VPS37A: variants seen among roughly 807,000 people sequenced by gnomAD.
VPS37A encodes vacuolar protein sorting-associated protein 37A.
In VPS37A, 30 loss-of-function variants were observed where a neutral mutation model predicts 49.8. The observed-to-expected ratio is 0.60, with a 90% confidence interval of 0.45 to 0.82. The LOEUF (loss-of-function observed/expected upper bound fraction) is 0.82. Ranked by LOEUF, VPS37A falls within the 40% of genes least tolerant of loss-of-function variation. The pLI is 0.00. For synonymous variants in VPS37A, 195 were observed against 160.6 expected (o/e 1.21, Z -1.62); for missense variants, 593 against 464.4 (o/e 1.28, Z -2.55).
chr8:17,257,060 G>A (rs1812532944), intron 1 of VPS37A, among the ~76,000 whole-genome samples: 1 of 152,124 alleles, frequency 6.6e-6, no homozygotes, highest in African/African-American at 2.4e-5. Context: ...ATAGTTTCAG[G>A]TCTTAGATTT....
rs1368546578 is a variant in VPS37A, at chr8:17,292,361, CTT to C, written c.*1-2624_*1-2623del. 7.9e-5 allele frequency among the ~76,000 whole-genome samples: 12 copies of C among 152,248 alleles called. No homozygotes were observed. In the East Asian group the frequency reaches 2.1e-3, roughly 27 times the overall value. The stretch of plus-strand genomic sequence containing the variant: ...CCCTTTATTTTAAGCCTGTGTGTGT[CTT>C]TGCACATGAAATGGGTTTCCTGAAT... On this transcript the variant is annotated intron_variant, in intron 11 of 11. Transcript: ENST00000324849.
chr8:17,319,522 C>A, the VPS37A span, among the ~76,000 whole-genome samples: 2 of 152,150 alleles, frequency 1.3e-5, no homozygotes. Flanking sequence ...GAGTTTTTGC[C>A]ACCACATCAT....
downstream of VPS37A, chr8:17,304,455 G>A (rs1353521898): frequency 6.2e-7 from 1 of 1,614,068 alleles, no homozygotes; most frequent in Non-Finnish European, 8.5e-7. Context: ...CTAAACAGAG[G>A]ATTCAGGTAG....
intron 6 of VPS37A, among the ~76,000 whole-genome samples, chr8:17,278,502 A>T (rs1329524752): frequency 6.6e-6 from 1 of 152,036 alleles, no homozygotes; most frequent in African/African-American, 2.4e-5. Flanking sequence ...TCTGTCTCCA[A>T]AAGTTGCTCT....
chr8:17,318,251 G>C, the VPS37A span, among the ~76,000 whole-genome samples: 2 of 151,890 alleles, frequency 1.3e-5, no homozygotes, highest in Non-Finnish European at 2.9e-5. Context: ...TATCATGCTC[G>C]GGCTGGGAAT....
At chr8:17,271,140 T>A (rs1257548661) in intron 4 of VPS37A, among the ~76,000 whole-genome samples, 2 of 152,204 alleles carry the variant, frequency 1.3e-5, no homozygotes, top group African/African-American at 2.4e-5. Context: ...TTTCGTTTCT[T>A]GGTTCTGCCT....
downstream of VPS37A, among the ~76,000 whole-genome samples, chr8:17,305,147 T>C (rs908944694): frequency 2.6e-5 from 4 of 152,224 alleles, no homozygotes; most frequent in Admixed American, 6.5e-5. Context: ...TAATTTTCTT[T>C]ATGAGTCCAT....
chr8:17,287,706 A>C (rs1815743163), intron 11 of VPS37A, among the ~76,000 whole-genome samples: 1 of 152,046 alleles, frequency 6.6e-6, no homozygotes, highest in African/African-American at 2.4e-5. Flanking sequence ...TTTTCTTACT[A>C]GCCCTTCACG....
At chr8:17,305,643 A>G (rs1817399466), downstream of VPS37A, 2 of 817,208 alleles carry the variant, frequency 2.4e-6, no homozygotes, top group South Asian at 3.5e-5. Flanking sequence ...ATCTGTCAGT[A>G]TAGGTATGTG....
At chr8:17,272,956 C>T (rs568179513) in intron 4 of VPS37A, among the ~76,000 whole-genome samples, 3 of 143,908 alleles carry the variant, frequency 2.1e-5, no homozygotes, top group East Asian at 4.1e-4. Context: ...TATTCATCTA[C>T]AAGAAAATAT....
the VPS37A span, among the ~76,000 whole-genome samples, chr8:17,314,308 C>T: frequency 6.6e-6 from 1 of 152,140 alleles, no homozygotes; most frequent in African/African-American, 2.4e-5. Flanking sequence ...CTCTGTGATG[C>T]AGTAAACACA....
intron 5 of VPS37A, 98 bp from the exon 6 acceptor site, chr8:17,276,295 AACAG>A (rs1480236571): frequency 1.8e-5 from 15 of 847,898 alleles, no homozygotes; most frequent in Non-Finnish European, 2.7e-5. Flanking sequence ...TGATAATGCA[AACAG>A]TTATGGGATA....
chr8:17,271,341 C>T (rs1262170442), intron 4 of VPS37A, among the ~76,000 whole-genome samples: 2 of 152,170 alleles, frequency 1.3e-5, no homozygotes, highest in South Asian at 4.1e-4. Flanking sequence ...CGCGGTGGCT[C>T]ACGCCTGTAA....
chr8:17,315,716 C>A, the VPS37A span, among the ~76,000 whole-genome samples: 3 of 151,756 alleles, frequency 2.0e-5, no homozygotes, highest in African/African-American at 4.8e-5. Flanking sequence ...GAAAAAAAAA[C>A]AAAACAGAAA....
rs1198778469 is a variant in VPS37A, at chr8:17,295,154, C to G, written c.*168C>G. 6.6e-6 allele frequency: 1 copy of G among 152,586 alleles called. No homozygotes were observed. Among genetic ancestry groups the G allele is most frequent in the Non-Finnish European group, 1.5e-5 (1 of 68,028 alleles). The allele number at this position is 152,586 out of a possible 1,614,324, so 9.5% of individuals were successfully genotyped here. A position where few individuals can be genotyped will look rare whatever the true frequency, so the allele number is the denominator to read the frequency against. ...GATTTTGTACCGATTAGAATGATTG[C>G]TATGATCTTTGAGAAATTTTTCTGC... On this transcript the variant is annotated 3_prime_UTR_variant, in exon 12 of 12. Transcript: ENST00000324849.
intron 6 of VPS37A, among the ~76,000 whole-genome samples, chr8:17,279,192 C>T (rs1814798908): frequency 6.6e-6 from 1 of 152,088 alleles, no homozygotes; most frequent in Non-Finnish European, 1.5e-5. Context: ...CTTACTGGTC[C>T]TACAGTAACT....
In VPS37A at chr8:17,276,415, G is replaced by T; in HGVS notation, c.661G>T (p.Gly221Trp). 1 of 1,611,586 alleles carries T rather than the reference G, an allele frequency of 6.2e-7. No individual in the cohort carries two copies. Among genetic ancestry groups the T allele is most frequent in the South Asian group, 1.1e-5 (1 of 90,532 alleles). ...ASIPTSQNGF[G>W]YKMPDVPDAF... Reference sequence around the variant, plus strand: ...TCTTTAGACAAGCCAAAATGGTTTTGGGTACAAGATGCCAGATGTCCCTGA... The same window carrying T: ...TCTTTAGACAAGCCAAAATGGTTTTTGGTACAAGATGCCAGATGTCCCTGA... Residue 221 changes from glycine (G) to tryptophan (W), a missense_variant, in exon 6 of 12, where the codon GGG (glycine) becomes TGG (tryptophan). Transcript: ENST00000324849.
intron 6 of VPS37A, 25 bp downstream of exon 6, chr8:17,276,492 C>T: frequency 6.3e-7 from 1 of 1,590,036 alleles, no homozygotes; most frequent in Non-Finnish European, 8.6e-7. Flanking sequence ...TAAAGTTGGT[C>T]ACATTGTCTA....
At position 17,286,343 on chromosome 8, in the gene VPS37A, C is replaced by T. The variant is rs753394105; in HGVS notation, c.1114-4C>T. ...ACTGGTATTTTCAAAAATTTATTTT[C>T]TAGATTTGCCACTGTAGAAGAGCCA... On this transcript the variant is annotated splice_region_variant and splice_polypyrimidine_tract_variant and intron_variant, in intron 10 of 11. Coordinates refer to ENST00000324849, the MANE Select transcript of VPS37A (RefSeq NM_152415.3). 5 of 1,611,650 alleles carry T rather than the reference C, an allele frequency of 3.1e-6. No individual in the cohort carries two copies. The East Asian group carries it at 1.1e-4, about 36-fold the overall frequency.
Sources: gnomAD v4.1 joint callset for allele counts (sites outside exome capture counted in the v4.1 genomes callset) on GRCh38, gnomAD v4.1.1 for gene constraint, MANE v1.5 for transcripts, NCBI Gene and HGNC (gene_info 2026-07-23, HGNC 2026-07-21) for gene names.